PRKAG2: variants seen among roughly 807,000 people sequenced by gnomAD.
The protein encoded by PRKAG2 is protein kinase AMP-activated non-catalytic subunit gamma 2.
PRKAG2 carries 26 observed loss-of-function variants against 69.6 expected under a neutral mutation model. That is an observed-to-expected ratio of 0.37 (90% CI 0.27 to 0.52). PRKAG2 has a LOEUF of 0.52. Ranked by LOEUF, PRKAG2 falls within the 20% of genes least tolerant of loss-of-function variation. The pLI, the probability that PRKAG2 is intolerant of heterozygous loss-of-function variation, is 0.90. For missense variants in PRKAG2, 557 were observed against 740.0 expected (o/e 0.75, Z 2.87); for synonymous variants, 293 against 285.0 (o/e 1.03, Z -0.28).
chr7:151,639,807 A>T (rs1011638921), intron 4 of PRKAG2, among the ~76,000 whole-genome samples: 1 of 152,114 alleles, frequency 6.6e-6, no homozygotes, highest in Non-Finnish European at 1.5e-5. Context: ...CAGCTTGGAG[A>T]TGGCCTGTTG....
intron 3 of PRKAG2, among the ~76,000 whole-genome samples, chr7:151,707,507 G>A (rs536327236): frequency 1.7e-4 from 26 of 152,278 alleles, no homozygotes; most frequent in South Asian, 1.2e-3. Flanking sequence ...CCTCGGGAGG[G>A]TCACACTGTT....
intron 5 of PRKAG2, among the ~76,000 whole-genome samples, chr7:151,623,540 G>A (rs922913775): frequency 6.6e-6 from 1 of 152,130 alleles, no homozygotes; most frequent in Non-Finnish European, 1.5e-5. Context: ...CCTGCCGTGT[G>A]GGCCGATTCC....
intron 5 of PRKAG2, among the ~76,000 whole-genome samples, chr7:151,629,856 G>C (rs1823956869): frequency 6.6e-6 from 1 of 152,160 alleles, no homozygotes; most frequent in Non-Finnish European, 1.5e-5. Flanking sequence ...TATTATGTAG[G>C]ATATTTAGAG....
Position 151,709,755 on chromosome 7 carries a change from A to G in PRKAG2, c.467-34118T>C, listed in dbSNP as rs1380363912. Among the ~76,000 whole-genome samples the G allele has an allele frequency of 3.9e-5, 6 of 152,172 alleles. No homozygotes were observed. In the East Asian group the frequency reaches 1.2e-3, roughly 29 times the overall value. On this transcript the variant is annotated intron_variant, in intron 3 of 15. Coordinates refer to ENST00000287878, the MANE Select transcript of PRKAG2 (RefSeq NM_016203.4). Reference sequence around the variant, plus strand: ...TGAGTGAAGTGTGAGACATTGTGATATTGGATGTTTCTTACACTGTGACAC... The same window carrying G: ...TGAGTGAAGTGTGAGACATTGTGATGTTGGATGTTTCTTACACTGTGACAC...
intron 4 of PRKAG2, among the ~76,000 whole-genome samples, chr7:151,653,616 C>G (rs1254441896): frequency 2.6e-5 from 4 of 152,100 alleles, no homozygotes; most frequent in African/African-American, 7.2e-5. Flanking sequence ...CTGAGGCGGG[C>G]CGATCACCTG....
At chr7:151,622,280 C>T (rs1191904801) in intron 5 of PRKAG2, among the ~76,000 whole-genome samples, 5 of 152,326 alleles carry the variant, frequency 3.3e-5, no homozygotes, top group African/African-American at 1.2e-4. Flanking sequence ...TGGAGTTTCG[C>T]AGAGATTACA....
intron 1 of PRKAG2, among the ~76,000 whole-genome samples, chr7:151,789,293 T>C (rs1465194997): frequency 6.6e-6 from 1 of 152,202 alleles, no homozygotes. Context: ...AAACATAGGA[T>C]GTGTTTTCAT....
chr7:151,804,780 G>GGAACTGCTTCTC (rs2078017785), intron 1 of PRKAG2, among the ~76,000 whole-genome samples: 2 of 152,238 alleles, frequency 1.3e-5, no homozygotes, highest in Admixed American at 1.3e-4. Flanking sequence ...GGCATCCTGT[G>GGAACTGCTTCTC]GAACTGCTTC....
At chr7:151,624,205 C>T (rs1426772111) in intron 5 of PRKAG2, among the ~76,000 whole-genome samples, 1 of 151,220 alleles carries the variant, frequency 6.6e-6, no homozygotes, top group East Asian at 1.9e-4. Context: ...TAAGGTCTTG[C>T]TCTGTTGCCC....
At chr7:151,875,996 G>C (rs898568792) in intron 1 of PRKAG2, among the ~76,000 whole-genome samples, 5 of 151,924 alleles carry the variant, frequency 3.3e-5, no homozygotes, top group African/African-American at 1.2e-4. Context: ...CTGGAGCGGA[G>C]GGGGTGCATT....
At chr7:151,604,787 T>C (rs1472711912) in intron 5 of PRKAG2, among the ~76,000 whole-genome samples, 1 of 152,212 alleles carries the variant, frequency 6.6e-6, no homozygotes, top group Non-Finnish European at 1.5e-5. Flanking sequence ...GAGCATCTCC[T>C]CGGGCTCCTC....
At chr7:151,580,414 G>A (rs550718231) in intron 6 of PRKAG2, among the ~76,000 whole-genome samples, 20 of 152,282 alleles carry the variant, frequency 1.3e-4, no homozygotes, top group South Asian at 6.2e-4. Context: ...GCACAGAACC[G>A]TAGGAGGGAA....
At chr7:151,586,906 T>A (rs2538038) in intron 6 of PRKAG2, among the ~76,000 whole-genome samples, 2 of 152,100 alleles carry the variant, frequency 1.3e-5, no homozygotes, top group South Asian at 2.1e-4. Flanking sequence ...CTCTGCATTC[T>A]GTATTCTCTA....
chr7:151,594,854 A>C (rs888408706), intron 6 of PRKAG2, among the ~76,000 whole-genome samples: 5 of 151,900 alleles, frequency 3.3e-5, no homozygotes, highest in African/African-American at 1.2e-4. Context: ...GCTGGAGTGC[A>C]GTGGCACAAG....
intron 5 of PRKAG2, among the ~76,000 whole-genome samples, chr7:151,629,958 G>A (rs1312283598): frequency 4.6e-5 from 7 of 152,158 alleles, no homozygotes; most frequent in African/African-American, 1.7e-4. Flanking sequence ...GGATGAATAA[G>A]CAATTTAAAG....
chr7:151,723,195 G>A (rs80063068), intron 3 of PRKAG2, among the ~76,000 whole-genome samples: 2 of 152,126 alleles, frequency 1.3e-5, no homozygotes, highest in Admixed American at 1.3e-4. Context: ...ATGCCCAGTT[G>A]CCCTGGTAAA....
chr7:151,627,663 G>T (rs1420186295), intron 5 of PRKAG2, among the ~76,000 whole-genome samples: 2 of 152,134 alleles, frequency 1.3e-5, no homozygotes, highest in African/African-American at 4.8e-5. Context: ...GGCACGTTCT[G>T]GAAAGAAGAT....
In PRKAG2 at chr7:151,776,569, C is replaced by T. The variant is rs369642033; in HGVS notation, c.466+4583G>A. On this transcript the variant is annotated intron_variant, in intron 3 of 15. Coordinates refer to ENST00000287878, the MANE Select transcript of PRKAG2 (RefSeq NM_016203.4). The stretch of plus-strand genomic sequence containing the variant: ...ACTCCCTGTGTCCCAAGGGAGGGCC[C>T]AGGCCCCGGGTACACACGGGCCCCA... Among the ~76,000 whole-genome samples the T allele has an allele frequency of 5.9e-5, 9 of 152,348 alleles. No homozygotes were observed. In the South Asian group the frequency reaches 1.9e-3, roughly 32 times the overall value.
chr7:151,721,210 T>A (rs1797037754), intron 3 of PRKAG2, among the ~76,000 whole-genome samples: 1 of 151,786 alleles, frequency 6.6e-6, no homozygotes, highest in Admixed American at 6.6e-5. Flanking sequence ...TTTTCTGGGG[T>A]CCCATCCCTG....
Sources: allele counts gnomAD v4.1 joint callset (sites outside exome capture counted in the v4.1 genomes callset), GRCh38; gene constraint gnomAD v4.1.1; transcripts MANE v1.5; gene names NCBI Gene and HGNC (gene_info 2026-07-23, HGNC 2026-07-21).